The following SMYD3 variants were observed in gnomAD, a reference collection of about 807,000 sequenced individuals.
SMYD3 encodes SET and MYND domain containing 3, also known as histone-lysine N-methyltransferase SMYD3.
In SMYD3, 36 loss-of-function variants were observed where a neutral mutation model predicts 57.7. That is an observed-to-expected ratio of 0.62 (90% CI 0.48 to 0.82). SMYD3 has a LOEUF of 0.82. SMYD3 is among the 40% of genes least tolerant of loss of function. The pLI is 0.00. For synonymous variants in SMYD3, 211 were observed against 195.0 expected, an observed-to-expected ratio of 1.08 and a Z score of -0.68; for missense variants, 515 against 538.8, an observed-to-expected ratio of 0.96 and a Z score of 0.44.
At chr1:246,419,845 T>C (rs1405879879) in intron 1 of SMYD3, among the ~76,000 whole-genome samples, 1 of 152,234 alleles carries the variant, frequency 6.6e-6, no homozygotes, top group African/African-American at 2.4e-5. Flanking sequence ...GGAAAAACTA[T>C]CTTCCGCAAA....
At chr1:246,286,633 C>T (rs966695604) in intron 5 of SMYD3, among the ~76,000 whole-genome samples, 3 of 152,080 alleles carry the variant, frequency 2.0e-5, no homozygotes, top group Admixed American at 6.6e-5. Flanking sequence ...AAATGTAATA[C>T]AGAGACACTG....
chr1:245,811,982 A>G (rs1299954501), intron 10 of SMYD3, among the ~76,000 whole-genome samples: 1 of 152,192 alleles, frequency 6.6e-6, no homozygotes, highest in Non-Finnish European at 1.5e-5. Context: ...ACTAGCACAG[A>G]AGATGGTCCT....
rs531485368 is a variant in SMYD3, at chr1:246,468,442, A to T, written c.164+38612T>A. On this transcript the variant is annotated intron_variant, in intron 1 of 11. Transcript: ENST00000490107. Reference sequence around the variant, plus strand: ...AATCGCTTGGGCTCAGGAGTTCAAGACCAGCCTGGGCAACATGGTGAAACC... The same window carrying T: ...AATCGCTTGGGCTCAGGAGTTCAAGTCCAGCCTGGGCAACATGGTGAAACC... Among the ~76,000 whole-genome samples, 25 of 151,726 alleles carry T rather than the reference A, an allele frequency of 1.6e-4. 1 individual carries two copies. The South Asian group carries it at 5.2e-3, about 32-fold the overall frequency.
intron 5 of SMYD3, among the ~76,000 whole-genome samples, chr1:246,159,537 G>A (rs1044925133): frequency 2.0e-4 from 31 of 152,196 alleles, no homozygotes; most frequent in African/African-American, 7.5e-4. Context: ...CTTTTAACTG[G>A]CATGAATGGG....
At chr1:246,487,159 G>C (rs1477821165) in intron 1 of SMYD3, among the ~76,000 whole-genome samples, 1 of 152,106 alleles carries the variant, frequency 6.6e-6, no homozygotes, top group Non-Finnish European at 1.5e-5. Flanking sequence ...TCAAATAGTT[G>C]AAATATGGTT....
intron 8 of SMYD3, among the ~76,000 whole-genome samples, chr1:245,897,158 G>C (rs1329388958): frequency 2.0e-5 from 3 of 152,164 alleles, no homozygotes; most frequent in African/African-American, 7.2e-5. Flanking sequence ...ACAGAGACGT[G>C]AAAAAGAACA....
chr1:246,029,654 A>G (rs1280507803), intron 5 of SMYD3, among the ~76,000 whole-genome samples: 2 of 148,428 alleles, frequency 1.3e-5, no homozygotes, highest in Non-Finnish European at 3.0e-5. Context: ...CCTGGCTGAC[A>G]GAGTGAGACT....
chr1:246,425,137 C>G (rs1430229289), intron 1 of SMYD3, among the ~76,000 whole-genome samples: 1 of 152,124 alleles, frequency 6.6e-6, no homozygotes. Context: ...CACAGCAAGA[C>G]TAGGTCAGAT....
At chr1:245,849,451 A>G (rs1425075107) in intron 10 of SMYD3, among the ~76,000 whole-genome samples, 3 of 152,070 alleles carry the variant, frequency 2.0e-5, no homozygotes, top group Admixed American at 1.3e-4. Flanking sequence ...AACTTCCAGC[A>G]GAGATGAGTT....
chr1:246,319,171 A>G (rs1023114841), intron 5 of SMYD3, among the ~76,000 whole-genome samples: 14 of 152,362 alleles, frequency 9.2e-5, no homozygotes, highest in African/African-American at 3.4e-4. Flanking sequence ...ACACCGTTTC[A>G]TAATTAGAAT....
intron 5 of SMYD3, among the ~76,000 whole-genome samples, chr1:246,286,341 T>C (rs537779655): frequency 2.0e-5 from 3 of 152,332 alleles, no homozygotes; most frequent in African/African-American, 4.8e-5. Context: ...CACAGCACTT[T>C]TTTTTTAATC....
At chr1:245,850,715 A>G (rs1327321681) in intron 10 of SMYD3, among the ~76,000 whole-genome samples, 1 of 152,190 alleles carries the variant, frequency 6.6e-6, no homozygotes. Context: ...AAAACAAAAT[A>G]AAAACAAAAT....
At chr1:245,924,654 G>GGTTTTTT (rs1558499827) in intron 7 of SMYD3, among the ~76,000 whole-genome samples, 4 of 115,128 alleles carry the variant, frequency 3.5e-5, no homozygotes, top group Non-Finnish European at 3.4e-5. Flanking sequence ...CTCTATTCCA[G>GGTTTTTT]CTTTTTTTTT....
intron 1 of SMYD3, among the ~76,000 whole-genome samples, chr1:246,489,061 T>C (rs1344728421): frequency 6.6e-6 from 1 of 152,068 alleles, no homozygotes; most frequent in Admixed American, 6.6e-5. Flanking sequence ...GAAGAAGCAA[T>C]GCAGGCCGGG....
At chr1:246,039,640 G>A (rs1307066919) in intron 5 of SMYD3, among the ~76,000 whole-genome samples, 1 of 152,170 alleles carries the variant, frequency 6.6e-6, no homozygotes, top group Non-Finnish European at 1.5e-5. Flanking sequence ...AAGACTCACA[G>A]CATGTGAGAT....
At chr1:246,211,095 G>T (rs934980032) in intron 5 of SMYD3, among the ~76,000 whole-genome samples, 1 of 151,954 alleles carries the variant, frequency 6.6e-6, no homozygotes, top group Non-Finnish European at 1.5e-5. Context: ...GACCAAACAT[G>T]TTTGTTAATT....
intron 8 of SMYD3, among the ~76,000 whole-genome samples, chr1:245,914,188 T>C (rs1436839264): frequency 1.3e-5 from 2 of 152,216 alleles, no homozygotes; most frequent in African/African-American, 4.8e-5. Flanking sequence ...CCTAATAGTA[T>C]AGCCATTATG....
intron 5 of SMYD3, among the ~76,000 whole-genome samples, chr1:246,227,808 ATATTAGTTTACACATAAG>A (rs1410228002): frequency 2.0e-5 from 3 of 152,256 alleles, no homozygotes; most frequent in East Asian, 3.9e-4. Context: ...AATGAAAATA[ATATTAGTTTACACATAAG>A]TATTCAAATA....
chr1:245,850,528 C>CA (rs57122458), intron 10 of SMYD3, among the ~76,000 whole-genome samples: 17 of 151,264 alleles, frequency 1.1e-4, no homozygotes, highest in South Asian at 6.3e-4. Context: ...CCTGCCTCTA[C>CA]AAAAAAAAAT....
Sources: gnomAD v4.1 joint callset for allele counts (sites outside exome capture counted in the v4.1 genomes callset) on GRCh38, gnomAD v4.1.1 for gene constraint, MANE v1.5 for transcripts, NCBI Gene and HGNC (gene_info 2026-07-23, HGNC 2026-07-21) for gene names.